Variants in SLC8A1 observed in about 807,000 individuals in gnomAD.
SLC8A1 encodes the protein solute carrier family 8 member A1.
A neutral mutation model predicts 68.3 loss-of-function variants in SLC8A1; 18 were observed. That is an observed-to-expected ratio of 0.26 (90% CI 0.18 to 0.39). The LOEUF (loss-of-function observed/expected upper bound fraction) is 0.39. Ranked by LOEUF, SLC8A1 falls within the 10% of genes least tolerant of loss-of-function variation. SLC8A1 has a pLI of 1.00. For synonymous variants in SLC8A1, 475 were observed against 415.5 expected (o/e 1.14, Z -1.74); for missense variants, 985 against 1,156.7 (o/e 0.85, Z 2.15).
At chr2:40,472,625 C>T (rs1255557514) in intron 1 of SLC8A1, among the ~76,000 whole-genome samples, 1 of 152,086 alleles carries the variant, frequency 6.6e-6, no homozygotes, top group Non-Finnish European at 1.5e-5. Flanking sequence ...GCTTTGGCTT[C>T]CCAAAGTATT....
intron 2 of SLC8A1, among the ~76,000 whole-genome samples, chr2:40,297,457 G>A (rs555584764): frequency 2.6e-5 from 4 of 152,234 alleles, no homozygotes; most frequent in African/African-American, 7.2e-5. Context: ...CATTTCCACT[G>A]TGTAACAAAG....
At chr2:40,252,606 T>C (rs1409456650) in intron 2 of SLC8A1, among the ~76,000 whole-genome samples, 1 of 152,108 alleles carries the variant, frequency 6.6e-6, no homozygotes, top group Non-Finnish European at 1.5e-5. Context: ...AGTGCTGGGA[T>C]GACAGGTGCA....
chr2:40,294,562 GGAGA>G (rs1255993237), intron 2 of SLC8A1, among the ~76,000 whole-genome samples: 1 of 151,610 alleles, frequency 6.6e-6, no homozygotes, highest in Non-Finnish European at 1.5e-5. Flanking sequence ...GGAGAGAGAG[GGAGA>G]GAGAGAGGGA....
chr2:40,431,536 A>G (rs1698297061), intron 1 of SLC8A1, among the ~76,000 whole-genome samples: 1 of 151,992 alleles, frequency 6.6e-6, no homozygotes, highest in Non-Finnish European at 1.5e-5. Context: ...CAGACCTTAC[A>G]TCCCTTCTGC....
At chr2:40,412,196 T>C (rs759348489) in intron 2 of SLC8A1, among the ~76,000 whole-genome samples, 2 of 152,112 alleles carry the variant, frequency 1.3e-5, no homozygotes, top group Non-Finnish European at 2.9e-5. Flanking sequence ...AATATATTAA[T>C]GTCAAGGAGA....
At chr2:40,228,653 T>G (rs577354127) in intron 2 of SLC8A1, among the ~76,000 whole-genome samples, 2 of 152,302 alleles carry the variant, frequency 1.3e-5, no homozygotes, top group African/African-American at 4.8e-5. Context: ...TAGTCCTCAT[T>G]AAAGGTTTGG....
At chr2:40,223,121 G>A (rs2058551997) in intron 2 of SLC8A1, among the ~76,000 whole-genome samples, 1 of 152,138 alleles carries the variant, frequency 6.6e-6, no homozygotes. Flanking sequence ...GAACCCAAAT[G>A]CCCATCAATG....
chr2:40,348,647 GT>G (rs1670087475), intron 2 of SLC8A1, among the ~76,000 whole-genome samples: 1 of 152,146 alleles, frequency 6.6e-6, no homozygotes, highest in Non-Finnish European at 1.5e-5. Context: ...ACGGGGATGG[GT>G]CTTGCAGAAC....
At chr2:40,177,628 T>A in intron 3 of SLC8A1, 1 of 589,852 alleles carries the variant, frequency 1.7e-6, no homozygotes, top group Non-Finnish European at 3.0e-6. Flanking sequence ...TGCTAAAGCT[T>A]CAAAGGCAAT....
chr2:40,384,400 G>A (rs1451300032), intron 2 of SLC8A1, among the ~76,000 whole-genome samples: 3 of 152,080 alleles, frequency 2.0e-5, no homozygotes, highest in Non-Finnish European at 2.9e-5. Flanking sequence ...AAAACACAAT[G>A]AGACAGTCTC....
At chr2:40,496,239 G>A (rs1328079315) in intron 1 of SLC8A1, among the ~76,000 whole-genome samples, 1 of 152,058 alleles carries the variant, frequency 6.6e-6, no homozygotes, top group East Asian at 1.9e-4. Flanking sequence ...GATTTACTTG[G>A]CATGTCTGCC....
exon 8 of SLC8A1, chr2:40,098,076 T>A (rs2033680926): frequency 6.6e-6 from 1 of 151,990 alleles, no homozygotes; most frequent in Non-Finnish European, 1.5e-5. Context: ...TTTTATACAA[T>A]AGGTTTCTAA....
chr2:40,335,075 T>C (rs1361688544), intron 2 of SLC8A1, among the ~76,000 whole-genome samples: 2 of 152,198 alleles, frequency 1.3e-5, no homozygotes, highest in African/African-American at 4.8e-5. Flanking sequence ...TTGTAAACAG[T>C]CATATTGTGA....
chr2:40,510,297 C>T (rs1424020116), intron 1 of SLC8A1, among the ~76,000 whole-genome samples: 1 of 152,248 alleles, frequency 6.6e-6, no homozygotes, highest in South Asian at 2.1e-4. Context: ...TTTTCTTCCA[C>T]AAATGTTGAC....
intron 2 of SLC8A1, among the ~76,000 whole-genome samples, chr2:40,216,924 A>G (rs1434938832): frequency 1.3e-5 from 2 of 152,138 alleles, no homozygotes; most frequent in Non-Finnish European, 2.9e-5. Flanking sequence ...ATGGATCGCA[A>G]AAATTTTCTC....
At chr2:40,116,161 G>A (rs1022578534) in intron 7 of SLC8A1, among the ~76,000 whole-genome samples, 7 of 152,092 alleles carry the variant, frequency 4.6e-5, no homozygotes, top group South Asian at 2.1e-4. Context: ...TTAAGATGTC[G>A]GGAGAGATTT....
chr2:40,346,664 G>C (rs1400649680), intron 2 of SLC8A1, among the ~76,000 whole-genome samples: 1 of 152,142 alleles, frequency 6.6e-6, no homozygotes, highest in African/African-American at 2.4e-5. Flanking sequence ...GACACAGGAA[G>C]GCAGAGAGGG....
intron 2 of SLC8A1, among the ~76,000 whole-genome samples, chr2:40,400,941 G>A (rs538943482): frequency 2.0e-5 from 3 of 152,292 alleles, no homozygotes; most frequent in South Asian, 4.1e-4. Context: ...AAAAACTTGG[G>A]AGAGAGGAGG....
At chr2:40,304,440 G>T (rs925449492) in intron 2 of SLC8A1, among the ~76,000 whole-genome samples, 1 of 152,112 alleles carries the variant, frequency 6.6e-6, no homozygotes, top group Admixed American at 6.5e-5. Context: ...GTCGCATAAG[G>T]ATTCTGAGTA....
Sources: gnomAD v4.1 joint callset for allele counts (sites outside exome capture counted in the v4.1 genomes callset) on GRCh38, gnomAD v4.1.1 for gene constraint, MANE v1.5 for transcripts, NCBI Gene and HGNC (gene_info 2026-07-23, HGNC 2026-07-21) for gene names.